Variants in FBXO21 observed in about 807,000 individuals in gnomAD.
FBXO21 encodes F-box protein 21, also known as F-box only protein 21.
A neutral mutation model predicts 76.6 loss-of-function variants in FBXO21; 32 were observed. That is an observed-to-expected ratio of 0.42 (90% CI 0.32 to 0.56). The LOEUF (loss-of-function observed/expected upper bound fraction) is 0.56, where lower values mean the gene tolerates loss of function less well. Among genes scored for constraint, FBXO21 ranks in the 20% least tolerant of loss-of-function variants. The probability of loss-of-function intolerance (pLI) is 0.16; values close to 1 mark genes in which losing one functional copy is unlikely to be tolerated. For missense variants in FBXO21, 586 were observed against 797.3 expected, an observed-to-expected ratio of 0.73 and a Z score of 3.19; for synonymous variants, 328 against 311.5, an observed-to-expected ratio of 1.05 and a Z score of -0.56.
chr12:117,155,510 A>T (rs1322420598), intron 11 of FBXO21: 1 of 470,692 alleles, frequency 2.1e-6, no homozygotes, highest in Non-Finnish European at 3.9e-6. Flanking sequence ...CAGGACTTAC[A>T]GGAATTTGAT....
chr12:117,166,549 A>C (rs895555533), intron 8 of FBXO21, among the ~76,000 whole-genome samples: 2 of 152,244 alleles, frequency 1.3e-5, no homozygotes, highest in Admixed American at 1.3e-4. Flanking sequence ...TAGACATAAA[A>C]CTATTACTAT....
At chr12:117,182,553 A>G (rs1315374489) in intron 3 of FBXO21, among the ~76,000 whole-genome samples, 1 of 145,238 alleles carries the variant, frequency 6.9e-6, no homozygotes, top group Admixed American at 7.0e-5. Flanking sequence ...GGGAGGCCAC[A>G]GCAAGAGGAT....
chr12:117,170,159 A>C (rs907543975), intron 7 of FBXO21, among the ~76,000 whole-genome samples: 1 of 151,694 alleles, frequency 6.6e-6, no homozygotes, highest in African/African-American at 2.4e-5. Context: ...AAAAAAAAAA[A>C]AAAAGGAAGG....
chr12:117,150,357 C>T (rs1373788906), intron 11 of FBXO21, among the ~76,000 whole-genome samples: 1 of 152,206 alleles, frequency 6.6e-6, no homozygotes, highest in Non-Finnish European at 1.5e-5. Flanking sequence ...GGAAACACTA[C>T]CCATGAGTCC....
intron 3 of FBXO21, among the ~76,000 whole-genome samples, chr12:117,185,632 C>T (rs538446902): frequency 6.6e-6 from 1 of 152,114 alleles, no homozygotes; most frequent in South Asian, 2.1e-4. Context: ...TCAAGTGAGT[C>T]CCTAAGTACG....
At chr12:117,172,667 A>G (rs943248424) in intron 6 of FBXO21, 60 bp from the exon 7 acceptor site, 8 of 1,554,624 alleles carry the variant, frequency 5.1e-6, no homozygotes. Context: ...CATTCTTTCA[A>G]TAAACATTCT....
In FBXO21 at chr12:117,161,268, G is replaced by A. The variant is rs557326066; in HGVS notation, c.1327-3205C>T. ...ATGAGCAGAGGCCCTGGGCAGACAC[G>A]CAGCACATGCAAAAGACTGAAGCAA... On this transcript the variant is annotated intron_variant, in intron 9 of 11. Coordinates refer to ENST00000622495, the MANE Select transcript of FBXO21 (RefSeq NM_015002.3). Among the ~76,000 whole-genome samples the A allele has an allele frequency of 3.3e-5, 5 of 152,168 alleles. No individual in the cohort carries two copies. The South Asian group carries it at 1.0e-3, about 32-fold the overall frequency.
At chr12:117,151,946 G>T (rs1472309169) in intron 11 of FBXO21, among the ~76,000 whole-genome samples, 1 of 152,166 alleles carries the variant, frequency 6.6e-6, no homozygotes, top group Non-Finnish European at 1.5e-5. Context: ...TGACCACGTG[G>T]ATTTCTTAAT....
chr12:117,159,025 C>T (rs1955947930), intron 9 of FBXO21, among the ~76,000 whole-genome samples: 2 of 152,226 alleles, frequency 1.3e-5, no homozygotes, highest in Admixed American at 6.5e-5. Flanking sequence ...GTCAGACTAG[C>T]TGGCGTTTTT....
chr12:117,180,613 A>G (rs542586917), intron 3 of FBXO21, among the ~76,000 whole-genome samples: 4 of 152,028 alleles, frequency 2.6e-5, no homozygotes, highest in African/African-American at 9.7e-5. Flanking sequence ...GAATAACAAG[A>G]CTAATGTTTT....
At position 117,165,608 on chromosome 12, in the gene FBXO21, G is replaced by A. The variant is rs1956045392; in HGVS notation, c.1203C>T (p.Ile401=). The A allele has an allele frequency of 1.2e-6, 2 of 1,607,260 alleles. No individual in the cohort carries two copies. The highest frequency in any genetic ancestry group is 1.3e-5 in the African/African-American group (1 of 74,776). ...NLLSLGKREG[I]DQSYQLLRDS... is the part of the protein sequence containing the mutation. ...CTCTCAGGAGCTGGTATGACTGGTC[G>A]ATGCCTTCCCTAGCAGAGGAAAAAC... Residue 401 remains isoleucine, a synonymous_variant, in exon 9 of 12, where the codon ATC becomes ATT. Transcript: ENST00000622495.
chr12:117,186,117 T>TCCGC (rs1405212464), intron 3 of FBXO21, among the ~76,000 whole-genome samples: 5 of 152,200 alleles, frequency 3.3e-5, no homozygotes, highest in Non-Finnish European at 7.3e-5. Context: ...CTTCAGGTGA[T>TCCGC]CCGCCCATCT....
Position 117,190,398 on chromosome 12 carries a change from G to C in FBXO21, c.59C>G (p.Ala20Gly). Residue 20 changes from alanine (A) to glycine (G), a missense_variant, in exon 1 of 12, where the codon GCC (alanine) becomes GGC (glycine). Ala to Gly is a moderately conservative substitution (Grantham distance 60). Coordinates refer to ENST00000622495, the MANE Select transcript of FBXO21 (RefSeq NM_015002.3). ...MEVVPALAEE[A>G]APEVAGLSCL... Reference sequence around the variant, plus strand: ...GCTGAGGCCCGCTACCTCCGGCGCGGCCTCCTCCGCCAGCGCCGGCACCAC... The same window carrying C: ...GCTGAGGCCCGCTACCTCCGGCGCGCCCTCCTCCGCCAGCGCCGGCACCAC... The C allele has an allele frequency of 2.0e-6, 3 of 1,494,626 alleles. No individual in the cohort carries two copies. The highest frequency in any genetic ancestry group is 2.7e-6 in the Non-Finnish European group (3 of 1,129,426). The allele number at this position is 1,494,626 out of a possible 1,614,324, so 92.6% of individuals were successfully genotyped here.
chr12:117,171,081 C>A (rs1956112880), intron 7 of FBXO21, among the ~76,000 whole-genome samples: 1 of 152,080 alleles, frequency 6.6e-6, no homozygotes, highest in Admixed American at 6.5e-5. Context: ...GAAATAAACA[C>A]AGCCAGGCGC....
At chr12:117,160,166 C>A (rs531713224) in intron 9 of FBXO21, among the ~76,000 whole-genome samples, 2 of 152,326 alleles carry the variant, frequency 1.3e-5, no homozygotes, top group South Asian at 4.1e-4. Context: ...GGGGGCTACA[C>A]AGTCCCTGAT....
chr12:117,155,695 C>T (rs1955907267), intron 11 of FBXO21, 96 bp downstream of exon 11: 1 of 1,370,290 alleles, frequency 7.3e-7, no homozygotes, highest in African/African-American at 1.4e-5. Context: ...TCTGAAGGAA[C>T]CGATGGCCCA....
chr12:117,183,426 A>T (rs917804196), intron 3 of FBXO21, among the ~76,000 whole-genome samples: 44 of 152,142 alleles, frequency 2.9e-4, no homozygotes, highest in African/African-American at 1.1e-3. Context: ...TGTCTGGCTA[A>T]TTTTTGTATT....
chr12:117,150,956 TTGTGTG>T (rs3999685), intron 11 of FBXO21, among the ~76,000 whole-genome samples: 14,766 of 94,300 alleles, frequency 0.16, 1,071 homozygotes, highest in African/African-American at 0.22. Context: ...TCAAATAAGT[TTGTGTG>T]TGTGTGTGTG....
At chr12:117,182,868 G>A (rs1956248787) in intron 3 of FBXO21, among the ~76,000 whole-genome samples, 1 of 152,052 alleles carries the variant, frequency 6.6e-6, no homozygotes, top group South Asian at 2.1e-4. Flanking sequence ...TGGCTGGGAA[G>A]ATCTCTTGAG....
Sources: gnomAD v4.1 joint callset for allele counts (sites outside exome capture counted in the v4.1 genomes callset) on GRCh38, gnomAD v4.1.1 for gene constraint, MANE v1.5 for transcripts, NCBI Gene and HGNC (gene_info 2026-07-23, HGNC 2026-07-21) for gene names.